Variants in LRRTM4 observed in about 807,000 individuals in gnomAD.
LRRTM4 encodes the protein leucine rich repeat transmembrane neuronal 4.
Under a neutral mutation model 47.6 loss-of-function variants are expected in LRRTM4, and 25 were observed. The observed-to-expected ratio is 0.53, with a 90% confidence interval of 0.38 to 0.73. The LOEUF is 0.73. LRRTM4 is among the 30% of genes least tolerant of loss of function. LRRTM4 has a pLI of 0.00. For missense variants in LRRTM4, 638 were observed against 713.4 expected, an observed-to-expected ratio of 0.89 and a Z score of 1.20; for synonymous variants, 311 against 269.5, an observed-to-expected ratio of 1.15 and a Z score of -1.51.
At chr2:77,216,179 T>C (rs930393042) in intron 3 of LRRTM4, among the ~76,000 whole-genome samples, 5 of 152,206 alleles carry the variant, frequency 3.3e-5, no homozygotes, top group Non-Finnish European at 5.9e-5. Context: ...AGTAAAAATC[T>C]TCTGGACAGT....
At chr2:77,313,924 T>A (rs1677545495) in intron 3 of LRRTM4, among the ~76,000 whole-genome samples, 1 of 152,228 alleles carries the variant, frequency 6.6e-6, no homozygotes, top group South Asian at 2.1e-4. Flanking sequence ...GTTTTTTAAA[T>A]TTTTTATTAC....
intron 3 of LRRTM4, among the ~76,000 whole-genome samples, chr2:77,490,624 T>TTAA: frequency 6.6e-6 from 1 of 150,666 alleles, no homozygotes; most frequent in African/African-American, 2.4e-5. Flanking sequence ...TCAAAAATAA[T>TTAA]AAAAAAAAAC....
At chr2:77,084,051 C>G (rs914050018) in intron 3 of LRRTM4, among the ~76,000 whole-genome samples, 1 of 151,798 alleles carries the variant, frequency 6.6e-6, no homozygotes, top group Non-Finnish European at 1.5e-5. Context: ...GTGATCCACC[C>G]GCCTCGGCCT....
intron 3 of LRRTM4, among the ~76,000 whole-genome samples, chr2:77,074,514 GCTTATGGTACT>G (rs763149940): frequency 1.4e-4 from 22 of 152,108 alleles, no homozygotes; most frequent in Admixed American, 9.8e-4. Context: ...CTGTTATTAA[GCTTATGGTACT>G]CTATTTCTGG....
At chr2:76,984,228 AT>A (rs1330048270) in intron 3 of LRRTM4, among the ~76,000 whole-genome samples, 1 of 152,020 alleles carries the variant, frequency 6.6e-6, no homozygotes, top group Non-Finnish European at 1.5e-5. Flanking sequence ...TTTATGATGT[AT>A]TGTTGATTTA....
At chr2:76,980,219 G>A (rs897299898) in intron 3 of LRRTM4, among the ~76,000 whole-genome samples, 2 of 152,074 alleles carry the variant, frequency 1.3e-5, no homozygotes, top group African/African-American at 2.4e-5. Flanking sequence ...GCGAAAATGA[G>A]AAATGGAGAA....
At chr2:77,518,291 T>C (rs1679305501) in intron 3 of LRRTM4, 27 bp downstream of exon 3, 4 of 1,552,380 alleles carry the variant, frequency 2.6e-6, no homozygotes, top group Non-Finnish European at 2.6e-6. Context: ...GCAGTAGAAA[T>C]GCTTTTAGGA....
At chr2:76,897,042 G>A (rs561355005) in intron 3 of LRRTM4, among the ~76,000 whole-genome samples, 33 of 151,940 alleles carry the variant, frequency 2.2e-4, no homozygotes, top group Non-Finnish European at 3.2e-4. Context: ...TTTGTAAGAC[G>A]GACACTCGTA....
chr2:77,153,412 T>C (rs1672480208), intron 3 of LRRTM4, among the ~76,000 whole-genome samples: 1 of 152,166 alleles, frequency 6.6e-6, no homozygotes, highest in Non-Finnish European at 1.5e-5. Flanking sequence ...AGCTCCCAAG[T>C]TTAAAAATCT....
chr2:77,482,608 T>C (rs1259623532), intron 3 of LRRTM4, among the ~76,000 whole-genome samples: 1 of 152,190 alleles, frequency 6.6e-6, no homozygotes, highest in African/African-American at 2.4e-5. Context: ...ATATAAAGAC[T>C]GGTACATTTT....
intron 3 of LRRTM4, among the ~76,000 whole-genome samples, chr2:76,904,548 T>C (rs76168352): frequency 0.011 from 1,705 of 152,332 alleles, 23 homozygotes; most frequent in Non-Finnish European, 0.015. Context: ...TATATATCTC[T>C]GTCAGTGTTA....
chr2:76,957,942 A>G (rs756999101), intron 3 of LRRTM4, among the ~76,000 whole-genome samples: 1 of 150,268 alleles, frequency 6.7e-6, no homozygotes, highest in African/African-American at 2.5e-5. Context: ...GTGTGTGTGT[A>G]TATATATTTA....
At chr2:77,039,482 C>T (rs1240811826) in intron 3 of LRRTM4, among the ~76,000 whole-genome samples, 3 of 151,130 alleles carry the variant, frequency 2.0e-5, no homozygotes, top group East Asian at 1.9e-4. Context: ...ATAAATATTT[C>T]GTTCAATTTT....
intron 3 of LRRTM4, among the ~76,000 whole-genome samples, chr2:76,936,983 A>AAAAAAAAAAAAAG: frequency 6.8e-6 from 1 of 147,508 alleles, no homozygotes; most frequent in Non-Finnish European, 1.5e-5. Context: ...AAAAAAAAAA[A>AAAAAAAAAAAAAG]AAGAGCACAT....
At chr2:77,056,625 G>A (rs1679618293) in intron 3 of LRRTM4, among the ~76,000 whole-genome samples, 1 of 152,182 alleles carries the variant, frequency 6.6e-6, no homozygotes, top group Non-Finnish European at 1.5e-5. Flanking sequence ...AGTAAAAGAT[G>A]TGAAACTCAT....
chr2:76,827,228 T>C (rs570016008), intron 3 of LRRTM4, among the ~76,000 whole-genome samples: 22 of 151,840 alleles, frequency 1.4e-4, no homozygotes, highest in African/African-American at 4.8e-4. Flanking sequence ...GAACAGAAAG[T>C]TGGTGTATGG....
At chr2:77,214,330 C>T (rs1446523582) in intron 3 of LRRTM4, among the ~76,000 whole-genome samples, 1 of 152,140 alleles carries the variant, frequency 6.6e-6, no homozygotes, top group Non-Finnish European at 1.5e-5. Context: ...GGATTCTCTA[C>T]TTTTACAAAA....
intron 3 of LRRTM4, among the ~76,000 whole-genome samples, chr2:76,857,360 G>T (rs1672184476): frequency 6.9e-6 from 1 of 145,758 alleles, no homozygotes; most frequent in Non-Finnish European, 1.5e-5. Context: ...GCAATACATG[G>T]CTTGTTTTGA....
chr2:77,094,809 A>G (rs1195403517), intron 3 of LRRTM4, among the ~76,000 whole-genome samples: 2 of 152,222 alleles, frequency 1.3e-5, no homozygotes, highest in African/African-American at 2.4e-5. Flanking sequence ...CTTACATGTA[A>G]GACCCCAAAT....
Sources: gnomAD v4.1 joint callset for allele counts (sites outside exome capture counted in the v4.1 genomes callset) on GRCh38, gnomAD v4.1.1 for gene constraint, MANE v1.5 for transcripts, NCBI Gene and HGNC (gene_info 2026-07-23, HGNC 2026-07-21) for gene names.